Variants in PCSK5 observed in about 807,000 individuals in gnomAD.
PCSK5 encodes the protein prohormone convertase 5.
In PCSK5, 129 loss-of-function variants were observed where a neutral mutation model predicts 233.2. The observed-to-expected ratio is 0.55, with a 90% CI of 0.48 to 0.64. The LOEUF is 0.64. PCSK5 is among the 30% of genes least tolerant of loss of function. PCSK5 has a pLI of 0.00. For synonymous variants in PCSK5, 825 were observed against 879.2 expected (o/e 0.94, Z 1.09); for missense variants, 2,076 against 2,430.1 (o/e 0.85, Z 3.06).
At chr9:75,981,069 A>G (rs1478541045) in intron 2 of PCSK5, among the ~76,000 whole-genome samples, 4 of 152,164 alleles carry the variant, frequency 2.6e-5, no homozygotes, top group African/African-American at 7.2e-5. Context: ...AATACCACCT[A>G]TTTTATTTCC....
intron 13 of PCSK5, among the ~76,000 whole-genome samples, chr9:76,170,995 T>TG (rs1320754412): frequency 1.3e-5 from 2 of 152,204 alleles, no homozygotes; most frequent in African/African-American, 4.8e-5. Context: ...GCCAGAATGG[T>TG]GGCCAGGTCA....
At chr9:75,949,144 C>T (rs916069177) in intron 2 of PCSK5, among the ~76,000 whole-genome samples, 3 of 150,546 alleles carry the variant, frequency 2.0e-5, no homozygotes, top group African/African-American at 7.4e-5. Context: ...TCAGATATGT[C>T]AAGGGACATA....
chr9:75,950,738 A>C (rs897807384), intron 2 of PCSK5, among the ~76,000 whole-genome samples: 1 of 152,204 alleles, frequency 6.6e-6, no homozygotes, highest in African/African-American at 2.4e-5. Flanking sequence ...CAAAAACATG[A>C]CAAATTGTAA....
At chr9:76,056,801 T>G (rs1362235138) in intron 5 of PCSK5, among the ~76,000 whole-genome samples, 2 of 151,822 alleles carry the variant, frequency 1.3e-5, no homozygotes, top group Non-Finnish European at 2.9e-5. Context: ...ATAAGAGGCA[T>G]TTTTTTTAAG....
intron 2 of PCSK5, among the ~76,000 whole-genome samples, chr9:75,956,813 T>C (rs1825113850): frequency 6.6e-6 from 1 of 152,088 alleles, no homozygotes; most frequent in Non-Finnish European, 1.5e-5. Flanking sequence ...TTCTACCTCT[T>C]TTTGTTCTTA....
intron 11 of PCSK5, 147 bp from the exon 12 acceptor site, chr9:76,158,836 C>T (rs762546265): frequency 4.1e-5 from 27 of 655,184 alleles, no homozygotes; most frequent in Non-Finnish European, 6.4e-5. Flanking sequence ...CTTTCAGTGA[C>T]CCAGTTATTT....
chr9:75,912,143 A>AC (rs1822769943), intron 1 of PCSK5, among the ~76,000 whole-genome samples: 2 of 151,228 alleles, frequency 1.3e-5, no homozygotes, highest in African/African-American at 4.9e-5. Context: ...CAGAGACTGG[A>AC]AATTTTTTTT....
Position 76,122,045 on chromosome 9 carries a change from G to C in PCSK5, c.1209-12064G>C, listed in dbSNP as rs1446057123. Among the ~76,000 whole-genome samples the C allele has an allele frequency of 4.4e-5, 2 of 45,284 alleles. 1 individual carries two copies. Among genetic ancestry groups the C allele is most frequent in the East Asian group, 1.2e-3 (2 of 1,696 alleles). 29.7% of individuals were successfully genotyped at this position (45,284 alleles called of 152,430 possible). ...TCACCGTTTTAGCCGGGATGGTCTC[G>C]ATCTCCTGACCTCGTGATCCGCCCG... On this transcript the variant is annotated intron_variant, in intron 9 of 37. Coordinates refer to ENST00000674117, the MANE Select transcript of PCSK5 (RefSeq NM_001372043.1).
chr9:76,205,818 T>C (rs1462580912), intron 20 of PCSK5, among the ~76,000 whole-genome samples: 1 of 152,198 alleles, frequency 6.6e-6, no homozygotes, highest in Non-Finnish European at 1.5e-5. Context: ...TTTCTGACTC[T>C]GTGCTGGATC....
chr9:75,948,018 T>A lies in PCSK5; in HGVS notation c.297+15535T>A, dbSNP rs566250967. On this transcript the variant is annotated intron_variant, in intron 2 of 37. Coordinates refer to ENST00000674117, the MANE Select transcript of PCSK5 (RefSeq NM_001372043.1). The stretch of plus-strand genomic sequence containing the variant: ...TACCATGCCCACTTAATTTTTTTTT[T>A]AAATTTTTTGTACAGACAGGGTCTC... Among the ~76,000 whole-genome samples the A allele has an allele frequency of 7.9e-5, 12 of 152,078 alleles. No homozygotes were observed. In the South Asian group the frequency reaches 1.0e-3, roughly 13 times the overall value.
At chr9:75,903,526 G>A (rs991763509) in intron 1 of PCSK5, among the ~76,000 whole-genome samples, 1 of 142,446 alleles carries the variant, frequency 7.0e-6, no homozygotes, top group Non-Finnish European at 1.5e-5. Context: ...TTTATATTCT[G>A]TCTCTCTCTG....
intron 1 of PCSK5, among the ~76,000 whole-genome samples, chr9:75,917,454 T>C (rs2131247647): frequency 6.6e-6 from 1 of 152,338 alleles, no homozygotes; most frequent in Non-Finnish European, 1.5e-5. Flanking sequence ...TATTTAAATT[T>C]TTGTTGCTTT....
chr9:76,093,536 A>G (rs1402125804), intron 7 of PCSK5, among the ~76,000 whole-genome samples: 2 of 151,834 alleles, frequency 1.3e-5, no homozygotes, highest in Non-Finnish European at 2.9e-5. Flanking sequence ...GTTTAATTGA[A>G]TTTTATTCAT....
chr9:76,194,602 G>GGT (rs1824594667), intron 20 of PCSK5: 7 of 327,248 alleles, frequency 2.1e-5, no homozygotes, highest in African/African-American at 1.2e-4. Context: ...TGTTTTTTGG[G>GGT]GTTTTTTTTT....
intron 2 of PCSK5, among the ~76,000 whole-genome samples, chr9:75,937,555 C>T (rs1338344467): frequency 1.3e-5 from 2 of 152,188 alleles, no homozygotes; most frequent in Non-Finnish European, 2.9e-5. Context: ...CTTGAAGTCA[C>T]CAGCTCCGTT....
intron 2 of PCSK5, among the ~76,000 whole-genome samples, chr9:75,935,482 T>C (rs1318879948): frequency 6.6e-6 from 1 of 152,232 alleles, no homozygotes; most frequent in Non-Finnish European, 1.5e-5. Flanking sequence ...GTGTATTTAT[T>C]TAAAATAAGG....
chr9:76,027,159 ATTAAC>A, intron 5 of PCSK5, 122 bp downstream of exon 5: 1 of 609,878 alleles, frequency 1.6e-6, no homozygotes, highest in South Asian at 2.3e-5. Flanking sequence ...TTGCTCCAAG[ATTAAC>A]AAGTGTCTTT....
chr9:76,197,701 A>AC (rs140160456), intron 20 of PCSK5, among the ~76,000 whole-genome samples: 7 of 151,620 alleles, frequency 4.6e-5, no homozygotes, highest in African/African-American at 9.7e-5. Flanking sequence ...CCAATTTAAT[A>AC]CCCCCCCTCC....
At chr9:76,353,147 A>G (rs969874683) in intron 36 of PCSK5, among the ~76,000 whole-genome samples, 3 of 152,220 alleles carry the variant, frequency 2.0e-5, no homozygotes, top group Non-Finnish European at 4.4e-5. Flanking sequence ...TGTGCCTGAA[A>G]CATGCCAAGG....
Sources: gnomAD v4.1 joint callset for allele counts (sites outside exome capture counted in the v4.1 genomes callset) on GRCh38, gnomAD v4.1.1 for gene constraint, MANE v1.5 for transcripts, NCBI Gene and HGNC (gene_info 2026-07-23, HGNC 2026-07-21) for gene names.